The following COL4A5 variants were observed in gnomAD, a reference collection of about 807,000 sequenced individuals.
The protein encoded by COL4A5 is collagen alpha-5(IV) chain.
COL4A5 carries 26 observed loss-of-function variants against 130.2 expected under a neutral mutation model. That is an observed-to-expected ratio of 0.20 (90% CI 0.15 to 0.28). The LOEUF (loss-of-function observed/expected upper bound fraction) is 0.28, where lower values mean the gene tolerates loss of function less well. COL4A5 is among the 10% of genes least tolerant of loss of function. The pLI, the probability that COL4A5 is intolerant of heterozygous loss-of-function variation, is 1.00. For missense variants in COL4A5, 1,131 were observed against 1,344.3 expected (o/e 0.84, Z 2.48); for synonymous variants, 496 against 439.6 (o/e 1.13, Z -1.60).
chrX:108,599,013 T>C, intron 25 of COL4A5, 143 bp downstream of exon 25: 1 of 536,444 alleles, frequency 1.9e-6, no homozygotes, highest in Admixed American at 3.8e-5. Flanking sequence ...TAGCAAGGGA[T>C]CACAATGGTT....
intron 47 of COL4A5, among the ~76,000 whole-genome samples, chrX:108,683,571 G>A (rs754172544): frequency 9.0e-6 from 1 of 111,207 alleles, no homozygotes; most frequent in South Asian, 3.8e-4. Flanking sequence ...TTACTTCCTT[G>A]AGCAGTGGTT....
At chrX:108,514,209 C>G (rs4829437) in intron 1 of COL4A5, among the ~76,000 whole-genome samples, 27,363 of 111,226 alleles carry the variant, frequency 0.25, 2,792 homozygotes, top group East Asian at 0.57. Context: ...TAAAGAAAAG[C>G]AAGCTTTTAA....
At chrX:108,563,595 T>C (rs1314969674) in intron 3 of COL4A5, among the ~76,000 whole-genome samples, 1 of 111,806 alleles carries the variant, frequency 8.9e-6, no homozygotes, top group Non-Finnish European at 1.9e-5. Flanking sequence ...ATCAATATTT[T>C]ATCTTTGTTT....
At chrX:108,514,158 T>C (rs2065202407) in intron 1 of COL4A5, among the ~76,000 whole-genome samples, 1 of 112,058 alleles carries the variant, frequency 8.9e-6, no homozygotes, top group African/African-American at 3.2e-5. Context: ...GAAGTCAAGT[T>C]TGTGGCCAAC....
chrX:108,622,801 G>A lies in COL4A5; in HGVS notation c.2893G>A (p.Glu965Lys). 2 of 1,210,682 alleles carry A rather than the reference G, an allele frequency of 1.7e-6. No individual in the cohort carries two copies. The highest frequency in any genetic ancestry group is 1.7e-5 in the African/African-American group (1 of 57,886). The change falls in exon 33 of 53, where the codon GAG becomes AAG. Residue 965 changes from glutamate (E) to lysine (K), a missense_variant. Glu to Lys is a moderately conservative substitution (Grantham distance 56). Coordinates refer to ENST00000328300, the MANE Select transcript of COL4A5 (RefSeq NM_033380.3). The part of the protein sequence containing the change: ...MDPNLLGSKG[E>K]KGEPGLPGIP... ...TCCAAATCTTCTGGGCTCAAAAGGA[G>A]AGAAGGGGGAACCTGGCTTACCAGG...
rs183744798 is a variant in COL4A5, at chrX:108,510,184, A to T, written c.82-29562A>T. Among the ~76,000 whole-genome samples the T allele has an allele frequency of 1.2e-3, 137 of 111,571 alleles. 1 individual carries two copies. The highest frequency in any genetic ancestry group is 3.3e-3 in the African/African-American group (102 of 30,742). ...GGAGGCTGGGAGGAGGGAGAAGAGC[A>T]GATAAAATAAATATTGGATACTAGG... On this transcript the variant is annotated intron_variant, in intron 1 of 52. Transcript: ENST00000328300.
chrX:108,468,502 T>C (rs1458617994), intron 1 of COL4A5, among the ~76,000 whole-genome samples: 3 of 81,759 alleles, frequency 3.7e-5, no homozygotes, highest in Non-Finnish European at 6.3e-5. Context: ...TTCGTAAGTG[T>C]TTTTTTTTTT....
At chrX:108,638,638 C>G (rs1038808505) in intron 36 of COL4A5, among the ~76,000 whole-genome samples, 1 of 111,541 alleles carries the variant, frequency 9.0e-6, no homozygotes, top group African/African-American at 3.3e-5. Flanking sequence ...TATCTTTGTT[C>G]AGAGATGATA....
intron 30 of COL4A5, among the ~76,000 whole-genome samples, chrX:108,618,124 T>G (rs774577381): frequency 9.0e-6 from 1 of 111,491 alleles, no homozygotes; most frequent in African/African-American, 3.3e-5. Context: ...ATATCACATC[T>G]GTAGACATAT....
chrX:108,590,450 C>T (rs2066413557), intron 19 of COL4A5, among the ~76,000 whole-genome samples: 2 of 111,128 alleles, frequency 1.8e-5, no homozygotes, highest in Admixed American at 9.6e-5. Flanking sequence ...TTAATTATTA[C>T]TTGATGTGAA....
chrX:108,689,942 C>A (rs1418686272), intron 49 of COL4A5: 2 of 752,715 alleles, frequency 2.7e-6, no homozygotes, highest in East Asian at 3.0e-4. Context: ...TCATTGTGGG[C>A]AGCCACAGGT....
At chrX:108,440,391 G>T in intron 1 of COL4A5, 185 bp downstream of exon 1, 1 of 444,373 alleles carries the variant, frequency 2.3e-6, no homozygotes. Context: ...GAAGTCCAAC[G>T]GAGAGGTTTA....
intron 1 of COL4A5, among the ~76,000 whole-genome samples, chrX:108,476,519 C>CTTTTT (rs55972915): frequency 2.7e-4 from 15 of 55,839 alleles, no homozygotes; most frequent in East Asian, 5.0e-4. Flanking sequence ...TCTAACTGTT[C>CTTTTT]TTTTTTTTTT....
In COL4A5 at chrX:108,696,995, TA is replaced by T. The variant is rs2068746080; in HGVS notation, c.*618del. On this transcript the variant is annotated 3_prime_UTR_variant, in exon 53 of 53. Transcript: ENST00000328300. ...ATCAAAGTGAGAGGACTTATATTCC[TA>T]CATCAAGTTACTACTGAGAGTAAAT... 8.9e-6 allele frequency: 1 copy of T among 111,867 alleles called. No individual in the cohort carries two copies. The highest frequency in any genetic ancestry group is 1.9e-5 in the Non-Finnish European group (1 of 53,133). 9.2% of individuals were successfully genotyped at this position (111,867 alleles called of 1,213,427 possible).
chrX:108,611,506 A>G (rs1400792206), intron 29 of COL4A5, among the ~76,000 whole-genome samples: 1 of 111,773 alleles, frequency 8.9e-6, no homozygotes, highest in African/African-American at 3.2e-5. Context: ...CAACAAATCT[A>G]TATCAAACAA....
chrX:108,459,899 C>A (rs747475815), intron 1 of COL4A5, among the ~76,000 whole-genome samples: 2 of 111,985 alleles, frequency 1.8e-5, no homozygotes, highest in South Asian at 7.3e-4. Context: ...TGTCTTATTT[C>A]TCTTTGATAA....
rs281874713 is a variant in COL4A5 at position 108,655,431 on chromosome X, G to T, written c.3347G>T (p.Gly1116Val). 1 of 1,211,238 alleles carries T rather than the reference G, an allele frequency of 8.3e-7. No individual in the cohort carries two copies. Among genetic ancestry groups the T allele is most frequent in the Non-Finnish European group, 1.1e-6 (1 of 895,341 alleles). ...PGLPGTPGAK[G>V]QPGLPGFPGT... ...TTACCAGGAACCCCTGGAGCAAAAG[G>T]ACAACCAGGCCTTCCTGGATTCCCA... is the stretch of plus-strand genomic sequence containing the variant. Residue 1116 changes from glycine (G) to valine (V), a missense_variant, in exon 37 of 53, where the codon GGA becomes GTA. Transcript: ENST00000328300.
At chrX:108,544,736 T>G (rs1007280484) in intron 2 of COL4A5, among the ~76,000 whole-genome samples, 3 of 111,063 alleles carry the variant, frequency 2.7e-5, no homozygotes, top group African/African-American at 9.9e-5. Flanking sequence ...ATCCATCTGG[T>G]CCTGGACTTT....
At chrX:108,493,577 A>G (rs2065010022) in intron 1 of COL4A5, among the ~76,000 whole-genome samples, 1 of 111,129 alleles carries the variant, frequency 9.0e-6, no homozygotes, top group Non-Finnish European at 1.9e-5. Flanking sequence ...GTTAGTAGAA[A>G]TCATAAGGGA....
Sources: gnomAD v4.1 joint callset for allele counts (sites outside exome capture counted in the v4.1 genomes callset) on GRCh38, gnomAD v4.1.1 for gene constraint, MANE v1.5 for transcripts, NCBI Gene and HGNC (gene_info 2026-07-23, HGNC 2026-07-21) for gene names.